Variants in EML1 observed in about 807,000 individuals in gnomAD.
The protein encoded by EML1 is EMAP like 1, also known as echinoderm microtubule-associated protein-like 1.
EML1 carries 27 observed loss-of-function variants against 110.4 expected under a neutral mutation model. The ratio of observed to expected loss-of-function variants is 0.24; its 90% confidence interval spans 0.18 to 0.34. The LOEUF (loss-of-function observed/expected upper bound fraction) is 0.34, where lower values mean the gene tolerates loss of function less well. Ranked by LOEUF, EML1 falls within the 10% of genes least tolerant of loss-of-function variation. EML1 has a pLI of 1.00. For missense variants in EML1, 741 were observed against 1,030.9 expected (o/e 0.72, Z 3.85); for synonymous variants, 344 against 385.8 (o/e 0.89, Z 1.27).
intron 3 of EML1, among the ~76,000 whole-genome samples, chr14:99,868,169 A>G (rs547608547): frequency 6.6e-6 from 1 of 152,244 alleles, no homozygotes; most frequent in Admixed American, 6.5e-5. Context: ...ATAAATCCTA[A>G]TTTGTCATGG....
Position 99,910,256 on chromosome 14 carries a change from A to G in EML1, c.1254A>G (p.Pro418=), listed in dbSNP as rs565204879. 179 of 1,610,530 alleles carry G rather than the reference A, an allele frequency of 1.1e-4. 3 individuals are homozygous for G. In the South Asian group the frequency reaches 1.8e-3, roughly 16 times the overall value. The change falls in exon 12 of 22, where the codon CCA becomes CCG. Residue 418 remains proline (P), a synonymous_variant. Transcript: ENST00000262233. ...ACATTCTACAGAAACAAGAAAAGCC[A>G]AAGTTTGTCCTCTGTGTGACTTTCT... ...KQGLFEKQEK[P]KFVLCVTFSE...
intron 3 of EML1, among the ~76,000 whole-genome samples, chr14:99,869,930 G>A (rs1027689092): frequency 2.6e-5 from 4 of 152,146 alleles, no homozygotes; most frequent in African/African-American, 4.8e-5. Context: ...AGCAAATGCC[G>A]GTGCCATGCT....
At chr14:99,924,347 G>T (rs976842703) in intron 17 of EML1, among the ~76,000 whole-genome samples, 8 of 152,122 alleles carry the variant, frequency 5.3e-5, no homozygotes, top group Non-Finnish European at 1.2e-4. Flanking sequence ...CCAATCCACA[G>T]GGGCTACCTT....
At chr14:99,763,611 T>G (rs538621016) in intron 1 of EML1, among the ~76,000 whole-genome samples, 14 of 152,282 alleles carry the variant, frequency 9.2e-5, no homozygotes, top group South Asian at 6.2e-4. Context: ...TGCGGAAGCA[T>G]GAGGAGCACT....
intron 12 of EML1, 47 bp from the exon 13 acceptor site, chr14:99,911,375 G>C: frequency 6.5e-7 from 1 of 1,538,624 alleles, no homozygotes; most frequent in Non-Finnish European, 8.7e-7. Flanking sequence ...ATGGGCAGAG[G>C]CAACCTTTTG....
At chr14:99,854,922 TGTG>T (rs2058876310) in intron 2 of EML1, among the ~76,000 whole-genome samples, 1 of 152,198 alleles carries the variant, frequency 6.6e-6, no homozygotes, top group African/African-American at 2.4e-5. Flanking sequence ...ATATTGCTGT[TGTG>T]ACCGTAAATA....
intron 17 of EML1, among the ~76,000 whole-genome samples, chr14:99,933,298 C>T (rs1566945972): frequency 6.6e-6 from 1 of 152,158 alleles, no homozygotes; most frequent in Non-Finnish European, 1.5e-5. Context: ...GCCTTACCCT[C>T]CCGAGTAGCT....
chr14:99,880,090 T>C (rs1284648027), intron 4 of EML1, among the ~76,000 whole-genome samples: 1 of 152,214 alleles, frequency 6.6e-6, no homozygotes, highest in Non-Finnish European at 1.5e-5. Context: ...AATGAGGGAC[T>C]GGGAAAATTT....
At chr14:99,756,464 C>T (rs1595243356) in intron 1 of EML1, among the ~76,000 whole-genome samples, 2 of 152,232 alleles carry the variant, frequency 1.3e-5, no homozygotes, top group African/African-American at 2.4e-5. Context: ...GGGGTTCCCA[C>T]AGTGAATGGC....
chr14:99,771,438 C>A (rs537200673), upstream of EML1, among the ~76,000 whole-genome samples: 2 of 152,204 alleles, frequency 1.3e-5, no homozygotes, highest in Admixed American at 1.3e-4. Context: ...AACAGTTCAT[C>A]GCGTGGATAA....
intron 1 of EML1, among the ~76,000 whole-genome samples, chr14:99,795,855 C>G (rs2057761290): frequency 6.6e-6 from 1 of 152,134 alleles, no homozygotes. Flanking sequence ...ATCATGGTTA[C>G]AGCTTTAGAA....
intron 1 of EML1, among the ~76,000 whole-genome samples, chr14:99,831,261 G>T (rs1450266188): frequency 6.6e-6 from 1 of 151,782 alleles, no homozygotes; most frequent in Non-Finnish European, 1.5e-5. Flanking sequence ...TGTTTTCTTG[G>T]GTAGATCTGA....
chr14:99,871,768 A>C (rs897019256), intron 3 of EML1, among the ~76,000 whole-genome samples: 4 of 152,154 alleles, frequency 2.6e-5, no homozygotes, highest in Admixed American at 2.0e-4. Context: ...TTACTGCCAA[A>C]ATAGTAGTTT....
chr14:99,766,063 C>G (rs1050734430), intron 1 of EML1, among the ~76,000 whole-genome samples: 9 of 152,154 alleles, frequency 5.9e-5, no homozygotes, highest in African/African-American at 2.2e-4. Context: ...GCTGTTTCCA[C>G]CTTTTGTCGA....
chr14:99,839,635 G>A (rs1262609718), intron 1 of EML1, among the ~76,000 whole-genome samples: 2 of 152,126 alleles, frequency 1.3e-5, no homozygotes, highest in Non-Finnish European at 2.9e-5. Context: ...GATTCAAGAG[G>A]CTCTGCTGAA....
Position 99,865,532 on chromosome 14 carries a change from C to A in EML1, c.269C>A (p.Thr90Asn), listed in dbSNP as rs1332029072. ...GPTKARPLMQ[T>N]LPLRTTVNNG... ...CTTACAGCAAGACCACTGATGCAGA[C>A]CCTGCCTTTAAGAACCACGGTCAAC... The change falls in exon 3 of 22, where the codon ACC becomes AAC. Residue 90 changes from threonine to asparagine, a missense_variant. Around this residue, in one of 4 missense-constraint regions of EML1, gnomAD observed 226 missense variants for 255.6 expected, o/e 0.88. Transcript: ENST00000262233. The A allele has an allele frequency of 1.9e-6, 3 of 1,614,158 alleles. No homozygotes were observed. The highest frequency in any genetic ancestry group is 1.7e-4 in the Middle Eastern group (1 of 6,060).
chr14:99,864,913 T>C (rs1300622273), intron 2 of EML1, among the ~76,000 whole-genome samples: 1 of 152,134 alleles, frequency 6.6e-6, no homozygotes, highest in Non-Finnish European at 1.5e-5. Flanking sequence ...TCCTTTCTAC[T>C]TAGCTTATGT....
intron 1 of EML1, among the ~76,000 whole-genome samples, chr14:99,843,037 T>G (rs1282931994): frequency 6.6e-6 from 1 of 152,174 alleles, no homozygotes; most frequent in Non-Finnish European, 1.5e-5. Flanking sequence ...GATAATCGCT[T>G]GAGGCTAGGA....
chr14:99,936,931 G>A lies in EML1; in HGVS notation c.2095+597G>A, dbSNP rs934566339. ...TGCCACGTGCCCCACTCTGGGCCAC[G>A]CAGGGCGGCGCGTGGGCACAAGGAA... On this transcript the variant is annotated intron_variant, in intron 19 of 21. Coordinates refer to ENST00000262233, the MANE Select transcript of EML1 (RefSeq NM_004434.3). This position sits in a 1 kb window ranked among gnomAD's most constrained non-coding sequence, Gnocchi z 5.5. 1.3e-5 allele frequency among the ~76,000 whole-genome samples: 2 copies of A among 152,234 alleles called. No homozygotes were observed. The highest frequency in any genetic ancestry group is 1.9e-4 in the East Asian group (1 of 5,194).
Sources: allele counts gnomAD v4.1 joint callset (sites outside exome capture counted in the v4.1 genomes callset), GRCh38; gene constraint gnomAD v4.1.1; regional missense constraint gnomAD v4.1.1; non-coding constraint Gnocchi (gnomAD v3.1); transcripts MANE v1.5; gene names NCBI Gene and HGNC (gene_info 2026-07-23, HGNC 2026-07-21).